ADGRB3: variants seen among roughly 807,000 people sequenced by gnomAD.
ADGRB3 encodes adhesion G protein-coupled receptor B3.
A neutral mutation model predicts 193.4 loss-of-function variants in ADGRB3; 37 were observed. That is an observed-to-expected ratio of 0.19 (90% CI 0.15 to 0.25). ADGRB3 has a LOEUF of 0.25. Ranked by LOEUF, ADGRB3 falls within the 10% of genes least tolerant of loss-of-function variation. ADGRB3 has a pLI of 1.00. For missense variants in ADGRB3, 1,637 were observed against 1,852.9 expected (o/e 0.88, Z 2.14); for synonymous variants, 690 against 644.2 (o/e 1.07, Z -1.08).
chr6:68,926,082 C>G (rs1767170927), intron 3 of ADGRB3, among the ~76,000 whole-genome samples: 1 of 152,012 alleles, frequency 6.6e-6, no homozygotes, highest in African/African-American at 2.4e-5. Context: ...CCCCATTGAA[C>G]TAAGCAAGTT....
At chr6:69,367,563 T>C (rs1769601362) in intron 29 of ADGRB3, among the ~76,000 whole-genome samples, 1 of 151,912 alleles carries the variant, frequency 6.6e-6, no homozygotes, top group African/African-American at 2.4e-5. Context: ...TTCTAACTGG[T>C]GTGAGATGGT....
At chr6:68,813,648 C>T (rs999370418) in intron 3 of ADGRB3, among the ~76,000 whole-genome samples, 14 of 151,630 alleles carry the variant, frequency 9.2e-5, no homozygotes, top group East Asian at 7.8e-4. Context: ...GTTGGTGTGC[C>T]GCACCCATTA....
At chr6:69,369,069 T>G (rs1390618048) in intron 29 of ADGRB3, among the ~76,000 whole-genome samples, 1 of 152,200 alleles carries the variant, frequency 6.6e-6, no homozygotes, top group African/African-American at 2.4e-5. Flanking sequence ...CACCTATCCC[T>G]GGCTTATATT....
chr6:69,159,192 T>C (rs1774923843), intron 17 of ADGRB3, among the ~76,000 whole-genome samples: 1 of 152,054 alleles, frequency 6.6e-6, no homozygotes, highest in Non-Finnish European at 1.5e-5. Context: ...CTGAAATTCT[T>C]TTCACACTCC....
intron 3 of ADGRB3, among the ~76,000 whole-genome samples, chr6:68,698,183 A>C (rs1039154597): frequency 1.3e-5 from 2 of 151,924 alleles, no homozygotes; most frequent in Non-Finnish European, 2.9e-5. Context: ...TGAAATACAA[A>C]TTATATTTTG....
intron 12 of ADGRB3, among the ~76,000 whole-genome samples, chr6:69,016,656 C>G (rs1477295753): frequency 6.6e-6 from 1 of 151,904 alleles, no homozygotes; most frequent in Non-Finnish European, 1.5e-5. Flanking sequence ...GAAAGAGGAG[C>G]ACTATCTTTT....
At chr6:68,843,694 C>A in intron 3 of ADGRB3, among the ~76,000 whole-genome samples, 1 of 151,576 alleles carries the variant, frequency 6.6e-6, no homozygotes. Context: ...TATGGAACAA[C>A]AAAAGACTCA....
intron 17 of ADGRB3, among the ~76,000 whole-genome samples, chr6:69,126,846 G>A (rs1773866460): frequency 6.6e-6 from 1 of 152,130 alleles, no homozygotes; most frequent in Admixed American, 6.5e-5. Context: ...TTGCTCTAGA[G>A]GGAACTCTAT....
intron 8 of ADGRB3, among the ~76,000 whole-genome samples, chr6:68,974,010 A>G (rs1206207990): frequency 6.6e-6 from 1 of 152,214 alleles, no homozygotes; most frequent in African/African-American, 2.4e-5. Context: ...TCAAATTGGT[A>G]TATTTTTACT....
chr6:68,914,527 G>A (rs1007547625), intron 3 of ADGRB3, among the ~76,000 whole-genome samples: 2 of 152,088 alleles, frequency 1.3e-5, no homozygotes, highest in East Asian at 3.9e-4. Flanking sequence ...CTGCCCTAAA[G>A]GAGCTCCTGA....
intron 13 of ADGRB3, among the ~76,000 whole-genome samples, chr6:69,024,110 C>T (rs1770353070): frequency 6.6e-6 from 1 of 151,190 alleles, no homozygotes; most frequent in South Asian, 2.1e-4. Context: ...ATTATCAATA[C>T]AATAATAAAA....
intron 26 of ADGRB3, among the ~76,000 whole-genome samples, chr6:69,349,424 C>A (rs973481606): frequency 6.6e-6 from 1 of 152,110 alleles, no homozygotes; most frequent in Non-Finnish European, 1.5e-5. Context: ...TGGAATGCAT[C>A]TTTTTCTTTC....
chr6:68,937,626 T>C (rs1270143283), intron 5 of ADGRB3, among the ~76,000 whole-genome samples: 1 of 152,190 alleles, frequency 6.6e-6, no homozygotes, highest in Non-Finnish European at 1.5e-5. Flanking sequence ...ATCTGCTAGC[T>C]TGTGCTTAGA....
chr6:69,120,226 G>T (rs1356308582), intron 17 of ADGRB3, among the ~76,000 whole-genome samples: 2 of 152,172 alleles, frequency 1.3e-5, no homozygotes, highest in Non-Finnish European at 2.9e-5. Context: ...TTTGTGTACT[G>T]CATTGCTTAT....
chr6:69,222,234 G>A (rs1765911907), intron 17 of ADGRB3, among the ~76,000 whole-genome samples: 1 of 152,088 alleles, frequency 6.6e-6, no homozygotes, highest in East Asian at 1.9e-4. Flanking sequence ...TGTGATCATC[G>A]TGATAATATG....
At chr6:68,886,299 A>G (rs1765906051) in intron 3 of ADGRB3, among the ~76,000 whole-genome samples, 1 of 152,074 alleles carries the variant, frequency 6.6e-6, no homozygotes, top group Non-Finnish European at 1.5e-5. Flanking sequence ...TCATTACCAA[A>G]CCTAAAGTAT....
At chr6:69,343,197 A>G (rs963602793) in intron 26 of ADGRB3, among the ~76,000 whole-genome samples, 2 of 66,422 alleles carry the variant, frequency 3.0e-5, no homozygotes, top group Non-Finnish European at 6.7e-5. Flanking sequence ...TTTTTTTTTT[A>G]TTATACTTTA....
intron 3 of ADGRB3, among the ~76,000 whole-genome samples, chr6:68,674,203 A>T (rs1463578635): frequency 6.6e-6 from 1 of 152,130 alleles, no homozygotes; most frequent in African/African-American, 2.4e-5. Flanking sequence ...GGATTTTCTG[A>T]TGTTAATAGT....
intron 3 of ADGRB3, among the ~76,000 whole-genome samples, chr6:68,699,342 G>T (rs537810045): frequency 7.7e-4 from 117 of 152,118 alleles, no homozygotes; most frequent in Non-Finnish European, 1.3e-3. Context: ...TGTGTTCCTA[G>T]AATTTTTCAG....
Sources: allele counts gnomAD v4.1 joint callset (sites outside exome capture counted in the v4.1 genomes callset), GRCh38; gene constraint gnomAD v4.1.1; transcripts MANE v1.5; gene names NCBI Gene and HGNC (gene_info 2026-07-23, HGNC 2026-07-21).